PCCA: variants seen among roughly 807,000 people sequenced by gnomAD.
PCCA encodes the protein propionyl-CoA carboxylase subunit alpha.
In PCCA, 74 loss-of-function variants were observed where a neutral mutation model predicts 101.3. The observed-to-expected ratio is 0.73, with a 90% CI of 0.61 to 0.89. PCCA has a LOEUF of 0.89. Among genes scored for constraint, PCCA ranks in the 40% least tolerant of loss-of-function variants. PCCA has a pLI of 0.00. For synonymous variants in PCCA, 294 were observed against 313.6 expected (o/e 0.94, Z 0.66); for missense variants, 891 against 907.0 (o/e 0.98, Z 0.23).
chr13:100,519,213 A>AC (rs1381905098), intron 22 of PCCA, among the ~76,000 whole-genome samples: 1 of 152,244 alleles, frequency 6.6e-6, no homozygotes, highest in African/African-American at 2.4e-5. Flanking sequence ...TGAGAAACAA[A>AC]CCATAAGCTG....
At chr13:100,275,456 G>C (rs972002165) in intron 12 of PCCA, among the ~76,000 whole-genome samples, 1 of 152,118 alleles carries the variant, frequency 6.6e-6, no homozygotes, top group African/African-American at 2.4e-5. Flanking sequence ...GTTATCTTTT[G>C]CGTGCTATGG....
At chr13:100,491,832 T>G in intron 21 of PCCA, 1 of 984,138 alleles carries the variant, frequency 1.0e-6, no homozygotes, top group Non-Finnish European at 1.3e-6. Context: ...TTTTTCTCTA[T>G]TTTTTAAAAT....
chr13:100,169,136 T>C (rs1004946997), intron 6 of PCCA, among the ~76,000 whole-genome samples: 11 of 152,106 alleles, frequency 7.2e-5, no homozygotes, highest in African/African-American at 2.7e-4. Context: ...TAAAGTAAAT[T>C]GTTTTAAAAA....
chr13:100,150,380 TTTA>T (rs1189950826), intron 4 of PCCA: 1 of 272,850 alleles, frequency 3.7e-6, no homozygotes, highest in Non-Finnish European at 6.0e-6. Flanking sequence ...AAATTTATTT[TTTA>T]TTTTTATTAT....
chr13:100,429,033 G>A (rs2079362745), intron 20 of PCCA, among the ~76,000 whole-genome samples: 1 of 152,064 alleles, frequency 6.6e-6, no homozygotes, highest in Non-Finnish European at 1.5e-5. Flanking sequence ...GAAGATTGGA[G>A]GCAAAGAGAG....
intron 22 of PCCA, among the ~76,000 whole-genome samples, chr13:100,522,990 G>A (rs2087430533): frequency 6.6e-6 from 1 of 152,152 alleles, no homozygotes; most frequent in African/African-American, 2.4e-5. Context: ...TGTGCTTGTG[G>A]GGGCTTCCTT....
intron 8 of PCCA, among the ~76,000 whole-genome samples, chr13:100,256,805 T>C (rs1594957414): frequency 6.6e-6 from 1 of 152,230 alleles, no homozygotes. Flanking sequence ...ACCTTGTTTT[T>C]AGAAAACATC....
At chr13:100,210,663 G>T (rs934554284) in intron 7 of PCCA, among the ~76,000 whole-genome samples, 2 of 152,118 alleles carry the variant, frequency 1.3e-5, no homozygotes, top group African/African-American at 2.4e-5. Context: ...AAATTATTCT[G>T]TTTTTTTCTA....
intron 18 of PCCA, among the ~76,000 whole-genome samples, chr13:100,347,946 C>T (rs1404726522): frequency 6.6e-6 from 1 of 152,128 alleles, no homozygotes; most frequent in Non-Finnish European, 1.5e-5. Context: ...TGTTCTTCTT[C>T]AGGAAGCATA....
At chr13:100,101,790 A>C (rs2047307262) in intron 1 of PCCA, among the ~76,000 whole-genome samples, 1 of 151,918 alleles carries the variant, frequency 6.6e-6, no homozygotes, top group Admixed American at 6.6e-5. Flanking sequence ...TTTAGTAGAG[A>C]CGGGATTTCG....
intron 4 of PCCA, among the ~76,000 whole-genome samples, chr13:100,123,100 A>G (rs144009576): frequency 3.9e-5 from 6 of 152,382 alleles, no homozygotes; most frequent in African/African-American, 1.4e-4. Context: ...TCTGTCGTCC[A>G]GGCTGGAGTG....
chr13:100,418,423 C>T (rs545322808), intron 19 of PCCA, among the ~76,000 whole-genome samples: 6 of 152,324 alleles, frequency 3.9e-5, no homozygotes, highest in East Asian at 1.9e-4. Context: ...ACATGTCCCA[C>T]GCTCCTGCTG....
At chr13:100,446,677 A>G (rs979801235) in intron 20 of PCCA, among the ~76,000 whole-genome samples, 2 of 152,156 alleles carry the variant, frequency 1.3e-5, no homozygotes. Context: ...AAAGGAGTCT[A>G]TTTTATTCCA....
intron 12 of PCCA, among the ~76,000 whole-genome samples, chr13:100,283,281 A>C (rs1259718740): frequency 1.3e-5 from 2 of 152,300 alleles, no homozygotes; most frequent in East Asian, 3.9e-4. Context: ...GAAAGGGACA[A>C]ATTCCCTACC....
chr13:100,520,533 G>C (rs2087168077), intron 22 of PCCA, among the ~76,000 whole-genome samples: 1 of 151,102 alleles, frequency 6.6e-6, no homozygotes, highest in Non-Finnish European at 1.5e-5. Context: ...TACTCGGGAG[G>C]CTGAGGCAGG....
chr13:100,105,844 C>CAAAAAAAAAAAAAAAAAAAAAAAAAA (rs71114671), intron 2 of PCCA, among the ~76,000 whole-genome samples: 1 of 62,508 alleles, frequency 1.6e-5, no homozygotes. Context: ...GATCCTGTCT[C>CAAAAAAAAAAAAAAAAAAAAAAAAAA]AAAAAAAAAA....
intron 12 of PCCA, among the ~76,000 whole-genome samples, chr13:100,292,805 A>G (rs796784440): frequency 9.8e-5 from 15 of 152,308 alleles, no homozygotes; most frequent in African/African-American, 3.6e-4. Context: ...TTGTGTAAGA[A>G]GAGTCTGGGA....
At chr13:100,141,826 C>T (rs1034066428) in intron 4 of PCCA, among the ~76,000 whole-genome samples, 28 of 151,948 alleles carry the variant, frequency 1.8e-4, no homozygotes, top group Non-Finnish European at 2.6e-4. Context: ...ATAAAGTATA[C>T]CTGTAATAAA....
At position 100,143,931 on chromosome 13, in the gene PCCA, ATTT is replaced by A. The variant is rs765528415; in HGVS notation, c.301-11035_301-11033del. On this transcript the variant is annotated intron_variant, in intron 4 of 23. Transcript: ENST00000376285. ...CACCATGTCTGGCTAATTAAGAGAAATTTTTTTTTTTTTTTGTAGAGATGGGGC... is the reference window on the plus strand; with the variant it reads ...CACCATGTCTGGCTAATTAAGAGAAATTTTTTTTTTTTGTAGAGATGGGGC... Among the ~76,000 whole-genome samples the A allele has an allele frequency of 5.6e-5, 8 of 143,536 alleles. No homozygotes were observed. In the East Asian group the frequency reaches 1.6e-3, roughly 29 times the overall value. The allele number at this position is 143,536 out of a possible 152,430, so 94.2% of individuals were successfully genotyped here. A position where few individuals can be genotyped will look rare whatever the true frequency, so the allele number is the denominator to read the frequency against.
Sources: gnomAD v4.1 joint callset for allele counts (sites outside exome capture counted in the v4.1 genomes callset) on GRCh38, gnomAD v4.1.1 for gene constraint, MANE v1.5 for transcripts, NCBI Gene and HGNC (gene_info 2026-07-23, HGNC 2026-07-21) for gene names.